Variants in NAV2 observed in about 807,000 individuals in gnomAD.
NAV2 encodes the protein neuron navigator 2, also known as helicase, APC down-regulated 1.
A neutral mutation model predicts 223.2 loss-of-function variants in NAV2; 54 were observed. That is an observed-to-expected ratio of 0.24 (90% CI 0.19 to 0.30). The LOEUF (loss-of-function observed/expected upper bound fraction) is 0.30. Among genes scored for constraint, NAV2 ranks in the 10% least tolerant of loss-of-function variants. The pLI is 1.00. For synonymous variants in NAV2, 1,279 were observed against 1,239.3 expected (o/e 1.03, Z -0.67); for missense variants, 2,806 against 3,147.5 (o/e 0.89, Z 2.60).
At chr11:19,722,002 A>G (rs573909359) in intron 1 of NAV2, among the ~76,000 whole-genome samples, 2 of 152,362 alleles carry the variant, frequency 1.3e-5, no homozygotes, top group South Asian at 4.1e-4. Flanking sequence ...TTTAAAAACA[A>G]AACAAAGTCC....
At chr11:19,581,330 T>G (rs560969622) in intron 1 of NAV2, among the ~76,000 whole-genome samples, 1 of 152,364 alleles carries the variant, frequency 6.6e-6, no homozygotes, top group East Asian at 1.9e-4. Flanking sequence ...AACAAATTTC[T>G]CTGAATCTCC....
chr11:19,458,846 G>A (rs1342712568), intron 1 of NAV2, among the ~76,000 whole-genome samples: 2 of 152,248 alleles, frequency 1.3e-5, no homozygotes, highest in African/African-American at 4.8e-5. Flanking sequence ...CTTCATGGCT[G>A]TTGAGGTCAA....
At chr11:19,990,317 C>T (rs1271896940) in intron 11 of NAV2, among the ~76,000 whole-genome samples, 1 of 152,134 alleles carries the variant, frequency 6.6e-6, no homozygotes, top group African/African-American at 2.4e-5. Flanking sequence ...AGGGGTGATG[C>T]TTCCCTTTAG....
chr11:19,368,826 A>G (rs1034374488), intron 1 of NAV2, among the ~76,000 whole-genome samples: 2 of 152,182 alleles, frequency 1.3e-5, no homozygotes, highest in African/African-American at 4.8e-5. Flanking sequence ...TAGCTGTGCA[A>G]CTTTGGACAA....
At chr11:19,515,123 G>A (rs2043405187) in intron 1 of NAV2, among the ~76,000 whole-genome samples, 1 of 152,240 alleles carries the variant, frequency 6.6e-6, no homozygotes, top group Non-Finnish European at 1.5e-5. Context: ...CTCCTCATCT[G>A]TAGAATGGAT....
chr11:19,548,782 G>T (rs1265222251), intron 1 of NAV2, among the ~76,000 whole-genome samples: 1 of 151,242 alleles, frequency 6.6e-6, no homozygotes, highest in Non-Finnish European at 1.5e-5. Flanking sequence ...GGAGGTTGAG[G>T]CAGGAGAATG....
At chr11:19,455,290 G>A (rs1851922547) in intron 1 of NAV2, among the ~76,000 whole-genome samples, 1 of 152,178 alleles carries the variant, frequency 6.6e-6, no homozygotes, top group African/African-American at 2.4e-5. Flanking sequence ...ATGTGGAAAA[G>A]TGATGGGTTG....
At chr11:19,825,993 G>C (rs2059627016) in intron 1 of NAV2, among the ~76,000 whole-genome samples, 1 of 152,192 alleles carries the variant, frequency 6.6e-6, no homozygotes, top group Non-Finnish European at 1.5e-5. Context: ...CAGTTCTGGA[G>C]CACTGAGTTT....
chr11:19,747,307 T>C (rs1388782580), intron 1 of NAV2, among the ~76,000 whole-genome samples: 7 of 152,080 alleles, frequency 4.6e-5, no homozygotes, highest in African/African-American at 1.7e-4. Context: ...TGGACATTTA[T>C]GTTGTGAACA....
intron 11 of NAV2, among the ~76,000 whole-genome samples, chr11:20,011,833 T>C (rs2053584143): frequency 6.6e-6 from 1 of 152,262 alleles, no homozygotes; most frequent in South Asian, 2.1e-4. Context: ...TGATTAACTG[T>C]CTTCCTACTG....
intron 1 of NAV2, among the ~76,000 whole-genome samples, chr11:19,599,235 C>T (rs1419116215): frequency 6.6e-6 from 1 of 152,188 alleles, no homozygotes; most frequent in Non-Finnish European, 1.5e-5. Flanking sequence ...CTTTTTTTCT[C>T]ACCATGTTCT....
chr11:19,855,524 C>A (rs1395375099), intron 3 of NAV2, among the ~76,000 whole-genome samples: 2 of 152,162 alleles, frequency 1.3e-5, no homozygotes, highest in African/African-American at 4.8e-5. Context: ...TTGGTGGGAA[C>A]ATGGTACCAG....
At chr11:20,114,535 G>T in intron 36 of NAV2, 57 bp from the exon 37 acceptor site, 1 of 1,541,940 alleles carries the variant, frequency 6.5e-7, no homozygotes, top group Non-Finnish European at 8.9e-7. Context: ...TGCAAAACTG[G>T]GGCTACGAGA....
intron 11 of NAV2, among the ~76,000 whole-genome samples, chr11:20,003,413 C>A (rs1165380867): frequency 6.6e-6 from 1 of 151,574 alleles, no homozygotes; most frequent in Non-Finnish European, 1.5e-5. Context: ...TCCGGAATCA[C>A]ACAGCAAGCA....
At chr11:20,092,722 A>G (rs886480152) in intron 28 of NAV2, among the ~76,000 whole-genome samples, 7 of 152,296 alleles carry the variant, frequency 4.6e-5, no homozygotes, top group African/African-American at 1.7e-4. Context: ...TTGGTCTATG[A>G]TCTTCCTGCC....
At chr11:19,450,009 CTG>C (rs975707583) in intron 1 of NAV2, among the ~76,000 whole-genome samples, 37 of 152,134 alleles carry the variant, frequency 2.4e-4, no homozygotes, top group African/African-American at 7.7e-4. Flanking sequence ...GATCTGAAAA[CTG>C]TGTTATTTTC....
chr11:19,678,392 G>A (rs973831708), intron 1 of NAV2, among the ~76,000 whole-genome samples: 5 of 152,162 alleles, frequency 3.3e-5, no homozygotes, highest in Admixed American at 6.5e-5. Context: ...TGCTTACTCC[G>A]GAGCCCATGC....
chr11:19,562,696 A>G (rs988071293), intron 1 of NAV2, among the ~76,000 whole-genome samples: 2 of 152,314 alleles, frequency 1.3e-5, no homozygotes, highest in Non-Finnish European at 2.9e-5. Context: ...TGTGAAGAGA[A>G]AAATGAAGGC....
chr11:19,445,396 G>T (rs1271154260), intron 1 of NAV2, among the ~76,000 whole-genome samples: 1 of 152,076 alleles, frequency 6.6e-6, no homozygotes, highest in African/African-American at 2.4e-5. Context: ...TGAACTCCTG[G>T]GAGGCACCAG....
Sources: gnomAD v4.1 joint callset for allele counts (sites outside exome capture counted in the v4.1 genomes callset) on GRCh38, gnomAD v4.1.1 for gene constraint, MANE v1.5 for transcripts, NCBI Gene and HGNC (gene_info 2026-07-23, HGNC 2026-07-21) for gene names.